The following IL1RAPL2 variants were observed in gnomAD, a reference collection of about 807,000 sequenced individuals.
IL1RAPL2 encodes interleukin 1 receptor accessory protein like 2, also known as X-linked interleukin-1 receptor accessory protein-like 2.
In IL1RAPL2, 3 loss-of-function variants were observed where a neutral mutation model predicts 44.1. The ratio of observed to expected loss-of-function variants is 0.07; its 90% CI spans 0.03 to 0.18. The LOEUF is 0.18. Ranked by LOEUF, IL1RAPL2 falls within the 10% of genes least tolerant of loss-of-function variation. The pLI is 1.00. For missense variants in IL1RAPL2, 391 were observed against 496.4 expected (o/e 0.79, Z 2.02); for synonymous variants, 181 against 178.8 (o/e 1.01, Z -0.10).
At chrX:104,682,101 C>T (rs898862054) in intron 2 of IL1RAPL2, among the ~76,000 whole-genome samples, 5 of 112,336 alleles carry the variant, frequency 4.5e-5, no homozygotes, top group African/African-American at 1.6e-4. Context: ...TGGACCTAAC[C>T]TTTGAGTGTG....
chrX:105,197,284 GGGT>G (rs1307750661), intron 3 of IL1RAPL2, among the ~76,000 whole-genome samples: 2 of 110,836 alleles, frequency 1.8e-5, no homozygotes, highest in Non-Finnish European at 3.8e-5. Flanking sequence ...ATATTCCCTA[GGGT>G]GCTGCTACTC....
At chrX:104,846,552 A>T (rs761471486) in intron 2 of IL1RAPL2, among the ~76,000 whole-genome samples, 5 of 111,552 alleles carry the variant, frequency 4.5e-5, no homozygotes, top group East Asian at 2.8e-4. Context: ...CTGCATAGTA[A>T]TCCATGGTGT....
intron 1 of IL1RAPL2, among the ~76,000 whole-genome samples, chrX:104,589,231 G>A (rs1371139340): frequency 8.9e-6 from 1 of 111,988 alleles, no homozygotes; most frequent in Non-Finnish European, 1.9e-5. Context: ...ATGATCACAA[G>A]GTCCCACAAT....
intron 2 of IL1RAPL2, among the ~76,000 whole-genome samples, chrX:104,686,445 G>A (rs1338736737): frequency 9.0e-6 from 1 of 111,583 alleles, no homozygotes; most frequent in Non-Finnish European, 1.9e-5. Flanking sequence ...CAGAAGAAGG[G>A]CATCCTATTA....
At chrX:105,407,889 C>T (rs997790568) in intron 5 of IL1RAPL2, among the ~76,000 whole-genome samples, 8 of 112,011 alleles carry the variant, frequency 7.1e-5, no homozygotes, top group East Asian at 2.8e-4. Context: ...TTAGTTTTCT[C>T]ATACAATCAT....
intron 6 of IL1RAPL2, among the ~76,000 whole-genome samples, chrX:105,512,139 G>A (rs763814187): frequency 9.9e-5 from 11 of 111,077 alleles, no homozygotes; most frequent in Non-Finnish European, 1.3e-4. Context: ...GTCACAAGCA[G>A]CTTTTGTTTT....
chrX:104,821,943 C>A (rs771344020), intron 2 of IL1RAPL2, among the ~76,000 whole-genome samples: 1 of 112,099 alleles, frequency 8.9e-6, no homozygotes, highest in Non-Finnish European at 1.9e-5. Context: ...CATTCTATCT[C>A]GCGTGAGATG....
intron 6 of IL1RAPL2, among the ~76,000 whole-genome samples, chrX:105,608,758 C>G (rs1569458369): frequency 8.9e-6 from 1 of 111,828 alleles, no homozygotes; most frequent in Non-Finnish European, 1.9e-5. Flanking sequence ...CATGGCTAAC[C>G]TAATTATTTA....
intron 6 of IL1RAPL2, among the ~76,000 whole-genome samples, chrX:105,515,270 C>A: frequency 8.9e-6 from 1 of 111,774 alleles, no homozygotes; most frequent in East Asian, 2.8e-4. Flanking sequence ...ATCACAGATC[C>A]TTTTGAGAAT....
At chrX:104,911,310 C>A (rs1245109207) in intron 2 of IL1RAPL2, among the ~76,000 whole-genome samples, 6 of 111,864 alleles carry the variant, frequency 5.4e-5, no homozygotes, top group Non-Finnish European at 7.5e-5. Flanking sequence ...ACTAGCATAA[C>A]CATCATAAAA....
intron 2 of IL1RAPL2, among the ~76,000 whole-genome samples, chrX:104,796,763 TTTTGTTTG>T (rs752624360): frequency 3.4e-4 from 38 of 110,914 alleles, no homozygotes; most frequent in African/African-American, 1.1e-3. Context: ...TTGGTTCTTT[TTTTGTTTG>T]TTTGTTTGTT....
intron 2 of IL1RAPL2, among the ~76,000 whole-genome samples, chrX:104,808,178 CTT>C (rs1229887847): frequency 8.9e-6 from 1 of 112,355 alleles, no homozygotes; most frequent in African/African-American, 3.2e-5. Context: ...ATTCCTGAAA[CTT>C]TATTTTGGCC....
intron 1 of IL1RAPL2, among the ~76,000 whole-genome samples, chrX:104,634,182 A>T (rs1481632240): frequency 9.0e-6 from 1 of 111,186 alleles, no homozygotes; most frequent in Non-Finnish European, 1.9e-5. Flanking sequence ...CCTGAGTTCT[A>T]GTTTGATTGC....
At chrX:105,587,296 G>A (rs2037135909) in intron 6 of IL1RAPL2, among the ~76,000 whole-genome samples, 1 of 110,504 alleles carries the variant, frequency 9.0e-6, no homozygotes, top group African/African-American at 3.3e-5. Flanking sequence ...TCTATAGTTA[G>A]GTCTACTTTT....
At chrX:105,389,916 C>G (rs1337279384) in intron 5 of IL1RAPL2, among the ~76,000 whole-genome samples, 2 of 110,800 alleles carry the variant, frequency 1.8e-5, no homozygotes, top group African/African-American at 6.6e-5. Flanking sequence ...CCACTTCTCC[C>G]AACCCTGTCC....
At chrX:105,017,421 T>TA (rs899287270) in intron 2 of IL1RAPL2, among the ~76,000 whole-genome samples, 6 of 111,463 alleles carry the variant, frequency 5.4e-5, no homozygotes, top group Admixed American at 9.6e-5. Context: ...TCGGAGATTT[T>TA]AAAAAAATAC....
chrX:104,731,758 A>G (rs1329958433), intron 2 of IL1RAPL2, among the ~76,000 whole-genome samples: 1 of 112,121 alleles, frequency 8.9e-6, no homozygotes, highest in Non-Finnish European at 1.9e-5. Flanking sequence ...AGGAGAAAAA[A>G]ATCAGTGCTT....
chrX:105,124,100 G>A (rs765991557), intron 2 of IL1RAPL2, among the ~76,000 whole-genome samples: 1 of 111,101 alleles, frequency 9.0e-6, no homozygotes. Context: ...TTGTAAATTG[G>A]CTTATAACAG....
intron 5 of IL1RAPL2, among the ~76,000 whole-genome samples, chrX:105,341,714 G>A (rs374692666): frequency 3.6e-5 from 4 of 111,368 alleles, no homozygotes; most frequent in East Asian, 5.7e-4. Context: ...GGCGGATCAC[G>A]AGGTCAGGAG....
Sources: allele counts gnomAD v4.1 joint callset (sites outside exome capture counted in the v4.1 genomes callset), GRCh38; gene constraint gnomAD v4.1.1; transcripts MANE v1.5; gene names NCBI Gene and HGNC (gene_info 2026-07-23, HGNC 2026-07-21).